Variants in TACC3 observed in about 807,000 individuals in gnomAD.
The protein encoded by TACC3 is transforming acidic coiled-coil containing protein 3, also known as transforming acidic coiled-coil-containing protein 3.
In TACC3, 52 loss-of-function variants were observed where a neutral mutation model predicts 86.0. The ratio of observed to expected loss-of-function variants is 0.60; its 90% CI spans 0.48 to 0.76. The LOEUF (loss-of-function observed/expected upper bound fraction) is 0.76. TACC3 is among the 30% of genes least tolerant of loss of function. The pLI, the probability that TACC3 is intolerant of heterozygous loss-of-function variation, is 0.00. For synonymous variants in TACC3, 512 were observed against 430.0 expected (o/e 1.19, Z -2.36); for missense variants, 1,120 against 1,070.4 (o/e 1.05, Z -0.65).
intron 12 of TACC3, chr4:1,740,597 C>T: frequency 2.1e-6 from 1 of 468,078 alleles, no homozygotes; most frequent in Non-Finnish European, 3.8e-6. Flanking sequence ...ACCTCTGGCC[C>T]AGGCTCCAGT....
upstream of TACC3, chr4:1,720,879 G>T (rs1224172429): frequency 6.5e-7 from 1 of 1,536,264 alleles, no homozygotes; most frequent in African/African-American, 1.4e-5. This position sits in a 1 kb window ranked among gnomAD's most constrained non-coding sequence, Gnocchi z 4.4. Context: ...CCCCCGCCCC[G>T]GCGCGCGGAC....
upstream of TACC3, chr4:1,721,368 G>C (rs1717335670): frequency 3.1e-5 from 4 of 130,066 alleles, no homozygotes; most frequent in South Asian, 2.8e-4. Context: ...GTCGGCGCCC[G>C]AGCGGGGGGT....
rs1718185301 is a variant in TACC3 at position 1,735,070 on chromosome 4, T to C, written c.1592-203T>C. On this transcript the variant is annotated intron_variant, in intron 6 of 15. Transcript: ENST00000313288. The surrounding 1 kb of genome is among the most constrained non-coding windows in gnomAD (Gnocchi z 4.2). The stretch of plus-strand genomic sequence containing the variant: ...CTGCTGGCAGGGAGTGGGTAGAGGC[T>C]GGGGATGCCGCTCAGCACCCTGCGG... Among the ~76,000 whole-genome samples the C allele has an allele frequency of 6.6e-6, 1 of 152,198 alleles. No individual in the cohort carries two copies. Among genetic ancestry groups the C allele is most frequent in the Non-Finnish European group, 1.5e-5 (1 of 68,030 alleles).
chr4:1,732,411 C>G (rs566550100), intron 6 of TACC3, among the ~76,000 whole-genome samples: 6 of 150,084 alleles, frequency 4.0e-5, no homozygotes, highest in African/African-American at 1.5e-4. Flanking sequence ...TAAATAAATA[C>G]AGTTTGTCCG....
At position 1,722,867 on chromosome 4, in the gene TACC3, G is replaced by A. The variant is rs926432406; in HGVS notation, c.-1-554G>A. 6.6e-5 allele frequency among the ~76,000 whole-genome samples: 10 copies of A among 152,184 alleles called. No homozygotes were observed. The South Asian group carries it at 8.3e-4, about 13-fold the overall frequency. On this transcript the variant is annotated intron_variant, in intron 1 of 15. Coordinates refer to ENST00000313288, the MANE Select transcript of TACC3 (RefSeq NM_006342.3). ...TCTGGGCTTCCCTTGTTTGCGCATC[G>A]TCTCCCAGCTCCTCCTCTGGGCCTT...
At position 1,723,753 on chromosome 4, in the gene TACC3, A is replaced by G. The variant is rs1161553339; in HGVS notation, c.188A>G (p.Asp63Gly). 2.1e-5 allele frequency: 34 copies of G among 1,613,650 alleles called. No individual in the cohort carries two copies. The highest frequency in any genetic ancestry group is 2.9e-5 in the Non-Finnish European group (34 of 1,180,028). ...MKVTFQTPLR[D>G]PQTHRILSPS... ...GTGACTTTTCAGACACCTCTGCGGG[A>G]TCCACAGACGCACAGGATTCTAAGT... The change falls in exon 3 of 16, where the codon GAT becomes GGT. Residue 63 changes from aspartate (D) to glycine (G), a missense_variant. Asp to Gly is a moderately conservative substitution (Grantham distance 94). Transcript: ENST00000313288.
intron 12 of TACC3, chr4:1,740,321 G>T: frequency 2.0e-6 from 1 of 493,564 alleles, no homozygotes; most frequent in South Asian, 2.5e-5. Flanking sequence ...TGCCCTCGCC[G>T]TGCGGCTATG....
At chr4:1,722,666 C>G (rs1577203870) in intron 1 of TACC3, among the ~76,000 whole-genome samples, 1 of 152,182 alleles carries the variant, frequency 6.6e-6, no homozygotes, top group Non-Finnish European at 1.5e-5. Context: ...CTGCCCTGGT[C>G]GACACTCGGT....
intron 10 of TACC3, 83 bp from the exon 11 acceptor site, chr4:1,739,619 G>A (rs938516416): frequency 1.2e-5 from 16 of 1,297,158 alleles, no homozygotes; most frequent in Non-Finnish European, 1.5e-5. Context: ...GACCTCGGGT[G>A]CGGGCTGGCC....
intron 15 of TACC3, 48 bp downstream of exon 15, chr4:1,744,880 A>G (rs1177863384): frequency 3.1e-6 from 5 of 1,612,346 alleles, no homozygotes; most frequent in Non-Finnish European, 3.4e-6. Flanking sequence ...AGCACCTTCT[A>G]GAAGGCCCTT....
Position 1,728,434 on chromosome 4 carries a change from T to C in TACC3, c.1032T>C (p.Asp344=), listed in dbSNP as rs769089305. The C allele has an allele frequency of 8.7e-6, 14 of 1,613,676 alleles. No homozygotes were observed. The South Asian group carries it at 1.4e-4, about 16-fold the overall frequency. ...GPVKLEFDVS[D]GATSKRAPPP... ...TAAAACTAGAATTTGATGTATCTGA[T>C]GGCGCCACCAGCAAAAGGGCACCCC... The change falls in exon 4 of 16, where the codon GAT becomes GAC. Residue 344 remains aspartate (D), a synonymous_variant. Transcript: ENST00000313288.
Position 1,737,710 on chromosome 4 carries a change from C to T in TACC3, c.1941+8C>T, listed in dbSNP as rs748025711. On this transcript the variant is annotated splice_region_variant and intron_variant, in intron 10 of 15. Coordinates refer to ENST00000313288, the MANE Select transcript of TACC3 (RefSeq NM_006342.3). The stretch of plus-strand genomic sequence containing the variant: ...AAGGACCTGGATGCAGTGGTAAGGA[C>T]GCAGGTAGTAGCTATTCCACAGAAC... 71 of 1,550,440 alleles carry T rather than the reference C, an allele frequency of 4.6e-5. No individual in the cohort carries two copies. Among genetic ancestry groups the T allele is most frequent in the Non-Finnish European group, 4.1e-5 (47 of 1,146,506 alleles).
chr4:1,744,520 C>A lies in TACC3; in HGVS notation c.2226C>A (p.Asn742Lys). The change falls in exon 14 of 16, where the codon AAC becomes AAA. Residue 742 changes from asparagine to lysine, a missense_variant and splice_region_variant. Transcript: ENST00000313288. ...AGCTAATGCCTGCCCCTTCCTAGAA[C>A]GAAGAGTCACTGAAGAAGTGCGTGG... ...QKEVIEGYRK[N>K]EESLKKCVED... 6.2e-7 allele frequency: 1 copy of A among 1,612,560 alleles called. No individual in the cohort carries two copies. Among genetic ancestry groups the A allele is most frequent in the Non-Finnish European group, 8.5e-7 (1 of 1,179,616 alleles).
intron 3 of TACC3, among the ~76,000 whole-genome samples, chr4:1,725,668 C>T (rs1021038443): frequency 3.3e-5 from 5 of 152,182 alleles, no homozygotes; most frequent in African/African-American, 1.2e-4. Flanking sequence ...CTGGGAGGGG[C>T]TTGAGAGGTT....
intron 13 of TACC3, among the ~76,000 whole-genome samples, chr4:1,743,052 A>T (rs1718670169): frequency 6.6e-6 from 1 of 152,036 alleles, no homozygotes; most frequent in Non-Finnish European, 1.5e-5. Flanking sequence ...TCATGAGGTC[A>T]GGAGTTCAAG....
chr4:1,736,760 A>G (rs939151342), intron 8 of TACC3, among the ~76,000 whole-genome samples: 20 of 152,038 alleles, frequency 1.3e-4, no homozygotes, highest in Admixed American at 1.3e-3. Context: ...AATAACAAAA[A>G]TTAGCCGGGT....
At chr4:1,731,149 G>A in intron 5 of TACC3, 23 bp from the exon 6 acceptor site, 1 of 1,612,892 alleles carries the variant, frequency 6.2e-7, no homozygotes, top group Non-Finnish European at 8.5e-7. Flanking sequence ...CACTGCACAG[G>A]GTGACTCTGC....
intron 13 of TACC3, chr4:1,741,909 G>A (rs1318228014): frequency 6.6e-6 from 1 of 152,218 alleles, no homozygotes; most frequent in African/African-American, 2.4e-5. Flanking sequence ...AAGTGTGAAA[G>A]GAACAGGAAA....
At chr4:1,729,526 G>C (rs1430130357) in intron 4 of TACC3, among the ~76,000 whole-genome samples, 2 of 152,156 alleles carry the variant, frequency 1.3e-5, no homozygotes, top group Non-Finnish European at 2.9e-5. Flanking sequence ...GTGTCCACTG[G>C]GCCCTTCCCT....
Sources: allele counts gnomAD v4.1 joint callset (sites outside exome capture counted in the v4.1 genomes callset), GRCh38; gene constraint gnomAD v4.1.1; non-coding constraint Gnocchi (gnomAD v3.1); transcripts MANE v1.5; gene names NCBI Gene and HGNC (gene_info 2026-07-23, HGNC 2026-07-21).